The following NDFIP1 variants were observed in gnomAD, a reference collection of about 807,000 sequenced individuals.
The protein encoded by NDFIP1 is Nedd4 family interacting protein 1.
NDFIP1 carries 7 observed loss-of-function variants against 28.8 expected under a neutral mutation model. That is an observed-to-expected ratio of 0.24 (90% CI 0.14 to 0.46). NDFIP1 has a LOEUF of 0.46. Ranked by LOEUF, NDFIP1 falls within the 20% of genes least tolerant of loss-of-function variation. NDFIP1 has a pLI of 0.99. For synonymous variants in NDFIP1, 92 were observed against 101.0 expected (o/e 0.91, Z 0.53); for missense variants, 194 against 269.1 (o/e 0.72, Z 1.95).
At chr5:142,114,421 C>T (rs1757045681) in intron 1 of NDFIP1, among the ~76,000 whole-genome samples, 1 of 151,868 alleles carries the variant, frequency 6.6e-6, no homozygotes, top group Non-Finnish European at 1.5e-5. Context: ...TTTTTGTTGT[C>T]GAGTTGTAGG....
intron 1 of NDFIP1, among the ~76,000 whole-genome samples, chr5:142,119,722 A>G (rs2126912323): frequency 6.6e-6 from 1 of 152,320 alleles, no homozygotes; most frequent in South Asian, 2.1e-4. Flanking sequence ...GTACCTTTAA[A>G]GAAAATTTTA....
chr5:142,116,674 A>G (rs757334065), intron 1 of NDFIP1, among the ~76,000 whole-genome samples: 1 of 150,530 alleles, frequency 6.6e-6, no homozygotes, highest in African/African-American at 2.4e-5. Context: ...CTTCATATGT[A>G]TTTTTCTTTT....
chr5:142,116,455 G>C (rs1210660305), intron 1 of NDFIP1, among the ~76,000 whole-genome samples: 1 of 151,552 alleles, frequency 6.6e-6, no homozygotes, highest in African/African-American at 2.4e-5. Flanking sequence ...TGCAACCCCT[G>C]CCTTCCAGTT....
chr5:142,108,971 C>A lies in NDFIP1; in HGVS notation c.-4C>A. On this transcript the variant is annotated 5_prime_UTR_variant, in exon 1 of 8. Coordinates refer to ENST00000253814, the MANE Select transcript of NDFIP1 (RefSeq NM_030571.4). Reference sequence around the variant, plus strand: ...CGCTCTGCTTCCCTGCTGCCGGCTGCGCCATGGCGTTGGCGTTGGCGGCGC... The same window carrying A: ...CGCTCTGCTTCCCTGCTGCCGGCTGAGCCATGGCGTTGGCGTTGGCGGCGC... 1 of 1,444,010 alleles carries A rather than the reference C, an allele frequency of 6.9e-7. No individual in the cohort carries two copies. The highest frequency in any genetic ancestry group is 1.3e-5 in the South Asian group (1 of 74,786). 89.4% of individuals were successfully genotyped at this position (1,444,010 alleles called of 1,614,324 possible).
chr5:142,153,136 C>T lies in NDFIP1; in HGVS notation c.*1408C>T. On this transcript the variant is annotated 3_prime_UTR_variant, in exon 8 of 8. Transcript: ENST00000253814. ...TGTTCTTTTTCTCAGTTGAATGCACCAACTGGTTTGAGTCCTGTGAGCATT... is the reference window on the plus strand; with the variant it reads ...TGTTCTTTTTCTCAGTTGAATGCACTAACTGGTTTGAGTCCTGTGAGCATT... The T allele has an allele frequency of 2.7e-6, 1 of 365,396 alleles. No individual in the cohort carries two copies. 22.6% of individuals were successfully genotyped at this position (365,396 alleles called of 1,614,324 possible).
At chr5:142,116,352 TTCTC>T (rs59802611) in intron 1 of NDFIP1, among the ~76,000 whole-genome samples, 2 of 116,274 alleles carry the variant, frequency 1.7e-5, no homozygotes, top group African/African-American at 8.5e-5. Flanking sequence ...CCTTCCTTCT[TTCTC>T]TCTCTCTCTC....
intron 7 of NDFIP1, among the ~76,000 whole-genome samples, chr5:142,146,889 TG>T: frequency 6.6e-6 from 1 of 152,306 alleles, no homozygotes; most frequent in South Asian, 2.1e-4. Flanking sequence ...ATTTCTGAAA[TG>T]TTTTTTGATA....
In NDFIP1 at chr5:142,134,615, T is replaced by A. The variant is rs562527881; in HGVS notation, c.283-1115T>A. Among the ~76,000 whole-genome samples the A allele has an allele frequency of 2.0e-5, 3 of 152,310 alleles. No individual in the cohort carries two copies. The East Asian group carries it at 5.8e-4, about 29-fold the overall frequency. On this transcript the variant is annotated intron_variant, in intron 3 of 7. Coordinates refer to ENST00000253814, the MANE Select transcript of NDFIP1 (RefSeq NM_030571.4). ...TTTCTGTGTACAACAAGTTTTGATA[T>A]TCCCTAAAATATTTTTCATTTAAGG...
intron 1 of NDFIP1, among the ~76,000 whole-genome samples, chr5:142,112,971 T>C (rs1757030596): frequency 6.6e-6 from 1 of 152,186 alleles, no homozygotes. Context: ...GGACGTTAAC[T>C]CCCGTTCATC....
intron 5 of NDFIP1, among the ~76,000 whole-genome samples, chr5:142,139,023 C>T (rs550221146): frequency 3.3e-5 from 5 of 151,708 alleles, no homozygotes; most frequent in Non-Finnish European, 5.9e-5. Context: ...CGAGACCATC[C>T]TGGCTAACAT....
rs1256733700 is a variant in NDFIP1, at chr5:142,151,973, C to T, written c.*245C>T. ...TAATGTTTGAAAAAGCTCTTGCAAT[C>T]AAGTCTGTGATGTATTAATAATGCC... On this transcript the variant is annotated 3_prime_UTR_variant, in exon 8 of 8. Coordinates refer to ENST00000253814, the MANE Select transcript of NDFIP1 (RefSeq NM_030571.4). 1 of 152,760 alleles carries T rather than the reference C, an allele frequency of 6.5e-6. No homozygotes were observed. Among genetic ancestry groups the T allele is most frequent in the Non-Finnish European group, 1.5e-5 (1 of 68,044 alleles). 9.5% of individuals were successfully genotyped at this position (152,760 alleles called of 1,614,324 possible). A position where few individuals can be genotyped will look rare whatever the true frequency, so the allele number is the denominator to read the frequency against.
intron 1 of NDFIP1, among the ~76,000 whole-genome samples, chr5:142,116,462 A>C (rs1757069905): frequency 6.6e-6 from 1 of 150,696 alleles, no homozygotes; most frequent in South Asian, 2.1e-4. Flanking sequence ...CCTGCCTTCC[A>C]GTTTGAAGCC....
At position 142,140,981 on chromosome 5, in the gene NDFIP1, C is replaced by T. The variant is rs114541273; in HGVS notation, c.562+352C>T. 8.4e-3 allele frequency among the ~76,000 whole-genome samples: 1,282 copies of T among 152,176 alleles called. 19 individuals are homozygous for T. Among genetic ancestry groups the T allele is most frequent in the African/African-American group, 0.029 (1,215 of 41,522 alleles). On this transcript the variant is annotated intron_variant, in intron 6 of 7. Coordinates refer to ENST00000253814, the MANE Select transcript of NDFIP1 (RefSeq NM_030571.4). ...CAGACTCAAACCAGAATTGCTTATA[C>T]GCTTACTGCAGCCAGTTGAACTAAC...
chr5:142,136,303 GA>G (rs1208859877), intron 4 of NDFIP1, among the ~76,000 whole-genome samples: 1 of 152,168 alleles, frequency 6.6e-6, no homozygotes, highest in Non-Finnish European at 1.5e-5. Context: ...AGAAAGATAA[GA>G]AAATGCAATG....
chr5:142,140,513 A>T, intron 5 of NDFIP1, 50 bp from the exon 6 acceptor site: 3 of 1,399,312 alleles, frequency 2.1e-6, no homozygotes, highest in Non-Finnish European at 3.0e-6. Flanking sequence ...AGTTAAAATG[A>T]GAAATTGTGT....
At chr5:142,109,716 C>G (rs892514341) in intron 1 of NDFIP1, among the ~76,000 whole-genome samples, 1 of 152,074 alleles carries the variant, frequency 6.6e-6, no homozygotes, top group African/African-American at 2.4e-5. Flanking sequence ...GATTTGATGG[C>G]ATAGCTGGGG....
At position 142,153,210 on chromosome 5, in the gene NDFIP1, G is replaced by A; in HGVS notation, c.*1482G>A. 1 of 449,082 alleles carries A rather than the reference G, an allele frequency of 2.2e-6. No individual in the cohort carries two copies. The highest frequency in any genetic ancestry group is 4.5e-6 in the Non-Finnish European group (1 of 224,076). 27.8% of individuals were successfully genotyped at this position (449,082 alleles called of 1,614,324 possible). Reference sequence around the variant, plus strand: ...CTCATTTCTCCTGATTTCTATTCTTGTCTCAATCTTAAATTTAGAGACCAG... The same window carrying A: ...CTCATTTCTCCTGATTTCTATTCTTATCTCAATCTTAAATTTAGAGACCAG... On this transcript the variant is annotated 3_prime_UTR_variant, in exon 8 of 8. Transcript: ENST00000253814.
At chr5:142,140,504 G>C (rs1757316839) in intron 5 of NDFIP1, 59 bp from the exon 6 acceptor site, 3 of 1,325,546 alleles carry the variant, frequency 2.3e-6, no homozygotes, top group Non-Finnish European at 3.2e-6. Context: ...GTACCCTTAA[G>C]TTAAAATGAG....
At chr5:142,139,225 A>C (rs957085805) in intron 5 of NDFIP1, among the ~76,000 whole-genome samples, 26 of 152,150 alleles carry the variant, frequency 1.7e-4, no homozygotes, top group Non-Finnish European at 3.4e-4. Context: ...TTCTCAAAAA[A>C]AAAAAAAAAG....
Sources: gnomAD v4.1 joint callset for allele counts (sites outside exome capture counted in the v4.1 genomes callset) on GRCh38, gnomAD v4.1.1 for gene constraint, MANE v1.5 for transcripts, NCBI Gene and HGNC (gene_info 2026-07-23, HGNC 2026-07-21) for gene names.